CYP4F3: variants seen among roughly 807,000 people sequenced by gnomAD.
The protein encoded by CYP4F3 is cytochrome P450 4F3.
In CYP4F3, 50 loss-of-function variants were observed where a neutral mutation model predicts 54.8. The observed-to-expected ratio is 0.91, with a 90% CI of 0.73 to 1.16. The LOEUF is 1.16. CYP4F3 is among the 50% of genes most tolerant of loss of function. The pLI is 0.00. For missense variants in CYP4F3, 715 were observed against 676.2 expected (o/e 1.06, Z -0.64); for synonymous variants, 244 against 262.6 (o/e 0.93, Z 0.69).
chr19:15,658,344 C>T lies in CYP4F3; in HGVS notation c.1196C>T (p.Ser399Phe). The change falls in exon 10 of 13, where the codon TCT becomes TTT. Residue 399 changes from serine (S) to phenylalanine (F), a missense_variant. Physicochemically the swap from Ser to Phe is radical, Grantham distance 155. Coordinates refer to ENST00000221307, the MANE Select transcript of CYP4F3 (RefSeq NM_000896.3). ...LRLHPPVPAV[S>F]RCCTQDIVLP... ...CTGCATCCCCCAGTCCCTGCCGTCT[C>T]TCGCTGCTGCACCCAAGACATTGTG... The T allele has an allele frequency of 6.2e-7, 1 of 1,614,206 alleles. No individual in the cohort carries two copies. Among genetic ancestry groups the T allele is most frequent in the Non-Finnish European group, 8.5e-7 (1 of 1,180,040 alleles).
At chr19:15,658,603 G>T in intron 11 of CYP4F3, 48 bp downstream of exon 11, 1 of 1,612,606 alleles carries the variant, frequency 6.2e-7, no homozygotes, top group Non-Finnish European at 8.5e-7. Flanking sequence ...GCTCCTAGAG[G>T]AGGGGGCAGG....
At chr19:15,649,063 G>C in intron 5 of CYP4F3, 97 bp from the exon 6 acceptor site, 1 of 1,542,392 alleles carries the variant, frequency 6.5e-7, no homozygotes, top group Middle Eastern at 1.9e-4. Flanking sequence ...AGAAGATGAA[G>C]AGGCTTATTC....
In CYP4F3 at chr19:15,652,630, T is replaced by C; in HGVS notation, c.980T>C (p.Phe327Ser). Residue 327 changes from phenylalanine (F) to serine (S), a missense_variant, in exon 8 of 13, where the codon TTT becomes TCT. By Grantham distance (155) the Phe-to-Ser change is radical. Coordinates refer to ENST00000221307, the MANE Select transcript of CYP4F3 (RefSeq NM_000896.3). ...DIRAEADTFM[F>S]EGHDTTASGL... The stretch of plus-strand genomic sequence containing the variant: ...AGAGCAGAAGCTGACACCTTTATGT[T>C]TGAGGGTGAGGGCCCCAGTGTGGGG... The C allele has an allele frequency of 6.2e-7, 1 of 1,614,082 alleles. No individual in the cohort carries two copies. The highest frequency in any genetic ancestry group is 1.1e-5 in the South Asian group (1 of 91,082).
chr19:15,643,870 C>G (rs563742331), intron 2 of CYP4F3: 19 of 1,503,782 alleles, frequency 1.3e-5, no homozygotes, highest in Middle Eastern at 1.8e-4. Context: ...CTAGAATTAA[C>G]CATGACAGGA....
At chr19:15,642,779 G>A (rs533460518) in intron 2 of CYP4F3, among the ~76,000 whole-genome samples, 28 of 152,184 alleles carry the variant, frequency 1.8e-4, no homozygotes, top group African/African-American at 6.3e-4. Flanking sequence ...TGCACAGATA[G>A]GGTGAATAGA....
At position 15,661,495 on chromosome 19, in the gene CYP4F3, A is replaced by T. The variant is rs1056580918; in HGVS notation, c.*2110A>T. The T allele has an allele frequency of 1.3e-5, 2 of 152,120 alleles. No homozygotes were observed. The highest frequency in any genetic ancestry group is 4.8e-5 in the African/African-American group (2 of 41,422). 9.4% of individuals were successfully genotyped at this position (152,120 alleles called of 1,614,324 possible). A position where few individuals can be genotyped will look rare whatever the true frequency, so the allele number is the denominator to read the frequency against. The stretch of plus-strand genomic sequence containing the variant: ...CCTGAGATTTTAATTCGCATTTTCC[A>T]GTGACTAAGGGTGTTGAACCACTCG... On this transcript the variant is annotated 3_prime_UTR_variant, in exon 13 of 13. Transcript: ENST00000221307.
chr19:15,652,482 G>A, intron 7 of CYP4F3, 87 bp from the exon 8 acceptor site: 1 of 1,565,954 alleles, frequency 6.4e-7, no homozygotes, highest in Non-Finnish European at 8.7e-7. Context: ...AATCTTCAGA[G>A]ACTGTCTCAG....
chr19:15,650,828 T>C (rs1183534390), intron 7 of CYP4F3, among the ~76,000 whole-genome samples: 28 of 17,096 alleles, frequency 1.6e-3, no homozygotes, highest in Middle Eastern at 0.028. Flanking sequence ...CTTTCTTTCT[T>C]TCTTTCTTTC....
Position 15,659,241 on chromosome 19 carries a change from C to G in CYP4F3, c.1419C>G (p.Phe473Leu), listed in dbSNP as rs140820169. The G allele has an allele frequency of 1.2e-6, 2 of 1,610,904 alleles. No individual in the cohort carries two copies. Among genetic ancestry groups the G allele is most frequent in the East Asian group, 2.2e-5 (1 of 44,812 alleles). Residue 473 changes from phenylalanine to leucine, a missense_variant, in exon 13 of 13, where the codon TTC (phenylalanine) becomes TTG (leucine). Physicochemically the swap from Phe to Leu is conservative, Grantham distance 22. Transcript: ENST00000221307. The stretch of plus-strand genomic sequence containing the variant: ...CAAGGAACTGCATCGGGCAGGCGTT[C>G]GCGATGGCGGAGATGAAGGTGGTCC... The part of the protein sequence containing the change: ...AGPRNCIGQA[F>L]AMAEMKVVLG...
intron 7 of CYP4F3, among the ~76,000 whole-genome samples, chr19:15,650,672 C>CTTTCTTTCTTTCTTTCTTTCTTTTTTCTT (rs1568397496): frequency 2.4e-5 from 1 of 42,062 alleles, no homozygotes; most frequent in African/African-American, 1.4e-4. Flanking sequence ...TTCTTTCTTT[C>CTTTCTTTCTTTCTTTCTTTCTTTTTTCTT]TTTCTTTCTT....
rs1330765969 is a variant in CYP4F3 at position 15,660,134 on chromosome 19, T to C, written c.*749T>C. 6.6e-6 allele frequency: 1 copy of C among 152,236 alleles called. No homozygotes were observed. The highest frequency in any genetic ancestry group is 1.5e-5 in the Non-Finnish European group (1 of 68,044). 9.4% of individuals were successfully genotyped at this position (152,236 alleles called of 1,614,324 possible). The stretch of plus-strand genomic sequence containing the variant: ...TCATCTTAGGAAACATTATTTTGTG[T>C]TCTTCAAAATGTGCATGTTAAGTAT... On this transcript the variant is annotated 3_prime_UTR_variant, in exon 13 of 13. Transcript: ENST00000221307.
chr19:15,643,226 A>G (rs1972518072), intron 2 of CYP4F3, among the ~76,000 whole-genome samples: 1 of 147,058 alleles, frequency 6.8e-6, no homozygotes, highest in Non-Finnish European at 1.5e-5. Context: ...GATAGGATAG[A>G]TGAATGGATA....
At chr19:15,652,716 C>A in intron 8 of CYP4F3, 81 bp downstream of exon 8, 2 of 1,609,548 alleles carry the variant, frequency 1.2e-6, no homozygotes, top group South Asian at 2.2e-5. Flanking sequence ...CCTCGCACTT[C>A]CCATCCCCCT....
chr19:15,649,988 GTA>G lies in CYP4F3; in HGVS notation c.724_725del (p.Tyr242HisfsTer10). 11 of 1,614,182 alleles carry G rather than the reference GTA, an allele frequency of 6.8e-6. No individual in the cohort carries two copies. Among genetic ancestry groups the G allele is most frequent in the East Asian group, 2.2e-5 (1 of 44,880 alleles). On this transcript the variant is annotated frameshift_variant, in exon 7 of 13. Coordinates refer to ENST00000221307, the MANE Select transcript of CYP4F3 (RefSeq NM_000896.3). LOFTEE classifies it high-confidence loss of function. ...CAAAAAGACACCAGCAGATCCTCCT[GTA>G]CATAGACTTCCTGTATTATCTCACC... ...VTKRHQQILL[Y>X]IDFLYYLTPD...
At position 15,650,201 on chromosome 19, in the gene CYP4F3, C is replaced by G; in HGVS notation, c.918+18C>G. The G allele has an allele frequency of 6.2e-7, 1 of 1,614,128 alleles. No individual in the cohort carries two copies. The highest frequency in any genetic ancestry group is 8.5e-7 in the Non-Finnish European group (1 of 1,180,024). The stretch of plus-strand genomic sequence containing the variant: ...TGAGCAAGGTGGGCCTCTCTGGGAT[C>G]TGAATTCAAGAAGTAGAAGGGAGCT... On this transcript the variant is annotated intron_variant, in intron 7 of 12. Transcript: ENST00000221307.
In CYP4F3 at chr19:15,652,932, T is replaced by G. The variant is rs542263222; in HGVS notation, c.1095T>G (p.Arg365=). Residue 365 remains arginine (R), a synonymous_variant, in exon 9 of 13, where the codon CGT becomes CGG. Transcript: ENST00000221307. ...RQEVQELLKD[R]EPKEIEWDDL... The stretch of plus-strand genomic sequence containing the variant: ...AGGTGCAAGAGCTTCTGAAGGACCG[T>G]GAGCCTAAAGAGATTGAATGGTGAG... The G allele has an allele frequency of 1.9e-6, 3 of 1,610,760 alleles. No individual in the cohort carries two copies. The South Asian group carries it at 3.3e-5, about 18-fold the overall frequency.
chr19:15,645,669 C>T (rs749915842), intron 2 of CYP4F3, 50 bp from the exon 3 acceptor site: 2 of 1,535,144 alleles, frequency 1.3e-6, no homozygotes, highest in Non-Finnish European at 8.8e-7. Flanking sequence ...AGATCCTTCT[C>T]TCTCGCAGCC....
rs532340633 is a variant in CYP4F3 at position 15,652,863 on chromosome 19, C to T, written c.1026C>T (p.Tyr342=). 29 of 1,613,726 alleles carry T rather than the reference C, an allele frequency of 1.8e-5. No homozygotes were observed. Among genetic ancestry groups the T allele is most frequent in the Non-Finnish European group, 2.5e-5 (29 of 1,179,846 alleles). ...CCAGTGGTCTCTCCTGGGTCCTGTA[C>T]CACCTTGCAAAGCACCCGGAATACC... The part of the protein sequence containing the change: ...TTASGLSWVL[Y]HLAKHPEYQE... The change falls in exon 9 of 13, where the codon TAC becomes TAT. Residue 342 remains tyrosine, a synonymous_variant. Transcript: ENST00000221307.
chr19:15,657,093 T>G (rs992465995), intron 9 of CYP4F3, among the ~76,000 whole-genome samples: 1 of 152,202 alleles, frequency 6.6e-6, no homozygotes, highest in Non-Finnish European at 1.5e-5. Context: ...TTCCTTCTTT[T>G]GTGTAACTGT....
Sources: allele counts gnomAD v4.1 joint callset (sites outside exome capture counted in the v4.1 genomes callset), GRCh38; gene constraint gnomAD v4.1.1; transcripts MANE v1.5; gene names NCBI Gene and HGNC (gene_info 2026-07-23, HGNC 2026-07-21).